Variants in GNB4 observed in about 807,000 individuals in gnomAD.
GNB4 encodes guanine nucleotide-binding protein subunit beta-4.
In GNB4, 28 loss-of-function variants were observed where a neutral mutation model predicts 45.2. The ratio of observed to expected loss-of-function variants is 0.62; its 90% CI spans 0.46 to 0.85. The LOEUF (loss-of-function observed/expected upper bound fraction) is 0.85. Ranked by LOEUF, GNB4 falls within the 40% of genes least tolerant of loss-of-function variation. The probability of loss-of-function intolerance (pLI) is 0.00; values close to 1 mark genes in which losing one functional copy is unlikely to be tolerated. For synonymous variants in GNB4, 132 were observed against 143.7 expected (o/e 0.92, Z 0.58); for missense variants, 321 against 425.4 (o/e 0.75, Z 2.16).
In GNB4 at chr3:179,401,471, A is replaced by T. The variant is rs1320223531; in HGVS notation, c.917-152T>A. ...AATAATAATAATTTAAAAGAAAACA[A>T]CAAATTTCTCTGAGTAAGAAGACAA... On this transcript the variant is annotated intron_variant, in intron 9 of 9. Transcript: ENST00000232564. The T allele has an allele frequency of 1.8e-5, 8 of 435,666 alleles. No homozygotes were observed. The Admixed American group carries it at 2.6e-4, about 14-fold the overall frequency. The allele number at this position is 435,666 out of a possible 1,614,324, so 27.0% of individuals were successfully genotyped here. A position where few individuals can be genotyped will look rare whatever the true frequency, so the allele number is the denominator to read the frequency against.
At chr3:179,404,937 C>T (rs1714420020) in intron 9 of GNB4, among the ~76,000 whole-genome samples, 1 of 152,194 alleles carries the variant, frequency 6.6e-6, no homozygotes, top group South Asian at 2.1e-4. Context: ...CATTCACTAT[C>T]CATCTTTAAT....
intron 8 of GNB4, chr3:179,405,845 A>G (rs1249011323): frequency 6.5e-6 from 1 of 154,648 alleles, no homozygotes; most frequent in Admixed American, 6.4e-5. Context: ...TTCAGATTTT[A>G]GAAAGGTAAT....
chr3:179,524,655 C>T, the GNB4 span, among the ~76,000 whole-genome samples: 4 of 152,204 alleles, frequency 2.6e-5, no homozygotes, highest in Admixed American at 6.5e-5. Flanking sequence ...GAGAATAAGA[C>T]GGCCTTCTGA....
chr3:179,510,571 G>A, the GNB4 span, among the ~76,000 whole-genome samples: 1 of 151,796 alleles, frequency 6.6e-6, no homozygotes, highest in African/African-American at 2.4e-5. Context: ...GGGAAAAGAT[G>A]CCTCCCCAGA....
chr3:179,505,217 GA>G, the GNB4 span, among the ~76,000 whole-genome samples: 114 of 152,280 alleles, frequency 7.5e-4, 2 homozygotes, highest in Middle Eastern at 3.4e-3. Context: ...ACAAGTAGAG[GA>G]AAGCAGACCC....
At chr3:179,452,718 CTG>C (rs775510389), upstream of GNB4, among the ~76,000 whole-genome samples, 47 of 152,198 alleles carry the variant, frequency 3.1e-4, 1 homozygote, top group African/African-American at 1.0e-3. Context: ...GATAAAGAAA[CTG>C]TGGATAATTT....
chr3:179,524,502 T>A, the GNB4 span, among the ~76,000 whole-genome samples: 1 of 152,044 alleles, frequency 6.6e-6, no homozygotes, highest in Non-Finnish European at 1.5e-5. Flanking sequence ...CACAACAGAG[T>A]CAAGTAATTG....
At chr3:179,455,399 AAAT>A (rs1715962853), upstream of GNB4, among the ~76,000 whole-genome samples, 1 of 152,218 alleles carries the variant, frequency 6.6e-6, no homozygotes, top group African/African-American at 2.4e-5. Flanking sequence ...CTCTGGTATT[AAAT>A]GTCTGTGTGA....
In GNB4 at chr3:179,439,520, G is replaced by A. The variant is rs573408211; in HGVS notation, c.-43+11826C>T. ...CCCTGAAGAAATCCTTGTGGGCCCC[G>A]AGATCTCTACCCTAAAGCAGTTCTG... On this transcript the variant is annotated intron_variant, in intron 1 of 9. Transcript: ENST00000232564. Among the ~76,000 whole-genome samples the A allele has an allele frequency of 7.9e-5, 12 of 152,186 alleles. No homozygotes were observed. The South Asian group carries it at 2.1e-3, about 26-fold the overall frequency.
At chr3:179,455,267 T>C (rs1320154913), upstream of GNB4, among the ~76,000 whole-genome samples, 2 of 152,152 alleles carry the variant, frequency 1.3e-5, no homozygotes, top group Admixed American at 6.5e-5. Flanking sequence ...CTATGTCCTG[T>C]CATTCAGGTC....
At position 179,451,457 on chromosome 3, in the gene GNB4, G is replaced by C. The variant is rs1471678395; in HGVS notation, c.-154C>G. 1 of 151,022 alleles carries C rather than the reference G, an allele frequency of 6.6e-6. No individual in the cohort carries two copies. Among genetic ancestry groups the C allele is most frequent in the Non-Finnish European group, 1.5e-5 (1 of 67,688 alleles). The allele number at this position is 151,022 out of a possible 1,614,324, so 9.4% of individuals were successfully genotyped here. ...AGAGCGCAGCTCACAGCCGAGACCA[G>C]AGCCGCCGGCCACACCCAGTCCCGC... is the stretch of plus-strand genomic sequence containing the variant. On this transcript the variant is annotated 5_prime_UTR_variant, in exon 1 of 10. Transcript: ENST00000232564.
chr3:179,422,977 G>C (rs949613782), intron 2 of GNB4, among the ~76,000 whole-genome samples: 1 of 152,072 alleles, frequency 6.6e-6, no homozygotes, highest in Non-Finnish European at 1.5e-5. Context: ...ATTTTTAGTA[G>C]AGATGGGGTT....
chr3:179,507,950 T>C, the GNB4 span, among the ~76,000 whole-genome samples: 2 of 152,190 alleles, frequency 1.3e-5, no homozygotes, highest in African/African-American at 4.8e-5. Context: ...ATTGATAGAC[T>C]GTGAGGACTA....
the GNB4 span, among the ~76,000 whole-genome samples, chr3:179,494,658 C>T: frequency 6.6e-6 from 1 of 151,732 alleles, no homozygotes; most frequent in South Asian, 2.1e-4. Context: ...GCCTGTAATC[C>T]CAGCACTTTG....
the GNB4 span, among the ~76,000 whole-genome samples, chr3:179,470,842 A>C: frequency 6.6e-6 from 1 of 152,210 alleles, no homozygotes; most frequent in African/African-American, 2.4e-5. Context: ...TTACTACAAA[A>C]GAGTCAAAAA....
chr3:179,426,269 A>T, intron 1 of GNB4, 27 bp from the exon 2 acceptor site: 1 of 1,164,760 alleles, frequency 8.6e-7, no homozygotes, highest in Non-Finnish European at 1.2e-6. Flanking sequence ...AGCAAGAGAA[A>T]GATTCAGTTC....
chr3:179,457,095 T>C, the GNB4 span, among the ~76,000 whole-genome samples: 2 of 152,202 alleles, frequency 1.3e-5, no homozygotes, highest in East Asian at 1.9e-4. Context: ...CTCAGTATCA[T>C]AAACAAACAA....
the GNB4 span, among the ~76,000 whole-genome samples, chr3:179,497,802 A>G: frequency 6.6e-6 from 1 of 152,206 alleles, no homozygotes; most frequent in African/African-American, 2.4e-5. Flanking sequence ...AAGATTCTCA[A>G]CATCACTAAT....
At chr3:179,464,418 C>T in the GNB4 span, 1 of 1,430,086 alleles carries the variant, frequency 7.0e-7, no homozygotes, top group Non-Finnish European at 9.8e-7. Context: ...CTCCCTCTGC[C>T]CTCGCCCCTT....
Sources: gnomAD v4.1 joint callset for allele counts (sites outside exome capture counted in the v4.1 genomes callset) on GRCh38, gnomAD v4.1.1 for gene constraint, MANE v1.5 for transcripts, NCBI Gene and HGNC (gene_info 2026-07-23, HGNC 2026-07-21) for gene names.